Variants in CNTN5 observed in about 807,000 individuals in gnomAD.
CNTN5 encodes contactin-5.
A neutral mutation model predicts 129.1 loss-of-function variants in CNTN5; 77 were observed. That is an observed-to-expected ratio of 0.60 (90% CI 0.50 to 0.72). CNTN5 has a LOEUF of 0.72. Among genes scored for constraint, CNTN5 ranks in the 30% least tolerant of loss-of-function variants. The pLI, the probability that CNTN5 is intolerant of heterozygous loss-of-function variation, is 0.00. For missense variants in CNTN5, 1,478 were observed against 1,328.8 expected (o/e 1.11, Z -1.75); for synonymous variants, 509 against 465.6 (o/e 1.09, Z -1.20).
At chr11:100,259,862 A>G (rs117081560) in intron 17 of CNTN5, among the ~76,000 whole-genome samples, 2,469 of 152,214 alleles carry the variant, frequency 0.016, 41 homozygotes, top group Middle Eastern at 0.037. Flanking sequence ...TAAATTCAAC[A>G]CCATAAAATC....
intron 3 of CNTN5, among the ~76,000 whole-genome samples, chr11:99,732,026 C>G (rs1943552316): frequency 6.6e-6 from 1 of 152,142 alleles, no homozygotes; most frequent in Admixed American, 6.6e-5. Flanking sequence ...TCAGCATAGT[C>G]TTTGTAATTT....
intron 1 of CNTN5, among the ~76,000 whole-genome samples, chr11:99,293,431 C>G (rs182196414): frequency 6.6e-6 from 1 of 152,048 alleles, no homozygotes; most frequent in African/African-American, 2.4e-5. Flanking sequence ...TAGCAGGGTA[C>G]CTTGTAGAAT....
intron 1 of CNTN5, among the ~76,000 whole-genome samples, chr11:99,109,491 C>A (rs7948677): frequency 0.47 from 70,596 of 151,806 alleles, 16,566 homozygotes; most frequent in East Asian, 0.6. Flanking sequence ...AGGTCACACA[C>A]CCACACAGAT....
chr11:100,203,053 T>A (rs1231154755), intron 15 of CNTN5, among the ~76,000 whole-genome samples: 1 of 152,068 alleles, frequency 6.6e-6, no homozygotes, highest in African/African-American at 2.4e-5. Context: ...GGTAACTACA[T>A]CTGTTACTAC....
At chr11:99,236,359 A>G (rs1256959559) in intron 1 of CNTN5, among the ~76,000 whole-genome samples, 1 of 152,124 alleles carries the variant, frequency 6.6e-6, no homozygotes, top group Non-Finnish European at 1.5e-5. Context: ...GCCAAAAACA[A>G]TGAAGATATG....
intron 1 of CNTN5, among the ~76,000 whole-genome samples, chr11:99,263,579 TGCTTTGGGGGAAAAAGG>T (rs1382667191): frequency 6.6e-6 from 1 of 152,132 alleles, no homozygotes; most frequent in Non-Finnish European, 1.5e-5. Flanking sequence ...TCAAAATTCT[TGCTTTGGGGGAAAAAGG>T]GAGAAAGGAA....
chr11:99,517,317 G>T (rs906815914), intron 2 of CNTN5, among the ~76,000 whole-genome samples: 11 of 151,520 alleles, frequency 7.3e-5, no homozygotes, highest in Non-Finnish European at 1.6e-4. Context: ...CTCTTTCCTG[G>T]ACTCTTCCAA....
chr11:100,315,954 G>A (rs1475510775), intron 21 of CNTN5, among the ~76,000 whole-genome samples: 1 of 152,140 alleles, frequency 6.6e-6, no homozygotes, highest in Non-Finnish European at 1.5e-5. Context: ...TTTGATTCAT[G>A]AATAACCATG....
intron 1 of CNTN5, among the ~76,000 whole-genome samples, chr11:99,232,850 C>T (rs1214701963): frequency 6.6e-6 from 1 of 152,004 alleles, no homozygotes; most frequent in East Asian, 1.9e-4. Context: ...ACATGATTTC[C>T]CAATTGAATT....
chr11:99,457,285 G>A (rs1206014623), intron 2 of CNTN5, among the ~76,000 whole-genome samples: 1 of 151,904 alleles, frequency 6.6e-6, no homozygotes, highest in Non-Finnish European at 1.5e-5. Context: ...ACTGTACTAA[G>A]TGCTACAGGA....
chr11:99,372,972 G>C (rs1426067590), intron 2 of CNTN5, among the ~76,000 whole-genome samples: 6 of 152,204 alleles, frequency 3.9e-5, no homozygotes, highest in African/African-American at 1.4e-4. Context: ...ACTTTGGGAG[G>C]CCCAGGTGGG....
intron 1 of CNTN5, among the ~76,000 whole-genome samples, chr11:99,083,406 C>T (rs61891139): frequency 0.041 from 6,255 of 152,226 alleles, 295 homozygotes; most frequent in African/African-American, 0.12. Context: ...GCACTTCAGA[C>T]GCATTACACC....
intron 1 of CNTN5, among the ~76,000 whole-genome samples, chr11:99,105,613 A>T (rs1048463493): frequency 6.6e-6 from 1 of 152,172 alleles, no homozygotes; most frequent in African/African-American, 2.4e-5. Flanking sequence ...AATTTCAAAC[A>T]TGACAAAGAC....
intron 2 of CNTN5, among the ~76,000 whole-genome samples, chr11:99,513,394 A>AAG (rs1946916164): frequency 6.6e-6 from 1 of 152,162 alleles, no homozygotes; most frequent in African/African-American, 2.4e-5. Flanking sequence ...ATCGTTGATG[A>AAG]AGATGGCCAC....
Position 100,002,101 on chromosome 11 carries a change from A to G in CNTN5, c.945A>G (p.Gly315=). ...CTTTCACGGTTACAGCTGCTAAAGG[A>G]ACAACTGTTAAGATGGAATGCTTTG... ...HFPFTVTAAK[G]TTVKMECFAL... Residue 315 remains glycine (G), a synonymous_variant, in exon 9 of 25, where the codon GGA becomes GGG. Transcript: ENST00000524871. The G allele has an allele frequency of 6.3e-7, 1 of 1,595,696 alleles. No homozygotes were observed. Among genetic ancestry groups the G allele is most frequent in the Non-Finnish European group, 8.5e-7 (1 of 1,174,264 alleles).
intron 3 of CNTN5, among the ~76,000 whole-genome samples, chr11:99,713,281 CTG>C (rs1220403930): frequency 6.6e-6 from 1 of 151,908 alleles, no homozygotes; most frequent in Non-Finnish European, 1.5e-5. Flanking sequence ...ATTTGGCTCT[CTG>C]TTTTTTGTTG....
At chr11:99,710,281 A>G (rs960985776) in intron 3 of CNTN5, among the ~76,000 whole-genome samples, 3 of 151,832 alleles carry the variant, frequency 2.0e-5, no homozygotes, top group Non-Finnish European at 2.9e-5. Flanking sequence ...ACGTTCCTCC[A>G]TAGAACCTTG....
rs577708174 is a variant in CNTN5 at position 100,283,016 on chromosome 11, A to C, written c.2314+11775A>C. Among the ~76,000 whole-genome samples the C allele has an allele frequency of 2.0e-5, 3 of 152,272 alleles. No individual in the cohort carries two copies. In the South Asian group the frequency reaches 6.2e-4, roughly 32 times the overall value. On this transcript the variant is annotated intron_variant, in intron 18 of 24. Transcript: ENST00000524871. ...CCCTTCTGTCCCTGGGCAGGTCCAG[A>C]AATGCTGTCAAAGAGTCAACTCCTG...
chr11:100,308,501 TG>T (rs1951405976), intron 21 of CNTN5, 33 bp downstream of exon 21: 1 of 1,586,010 alleles, frequency 6.3e-7, no homozygotes, highest in African/African-American at 1.4e-5. Context: ...TAAGCCTTAT[TG>T]TTTCTTCTGA....
Sources: gnomAD v4.1 joint callset for allele counts (sites outside exome capture counted in the v4.1 genomes callset) on GRCh38, gnomAD v4.1.1 for gene constraint, MANE v1.5 for transcripts, NCBI Gene and HGNC (gene_info 2026-07-23, HGNC 2026-07-21) for gene names.